Variants in GDPD1 observed in about 807,000 individuals in gnomAD.
GDPD1 encodes lysophospholipase D GDPD1.
GDPD1 carries 28 observed loss-of-function variants against 45.1 expected under a neutral mutation model. That is an observed-to-expected ratio of 0.62 (90% confidence interval 0.46 to 0.85). The LOEUF (loss-of-function observed/expected upper bound fraction) is 0.85. Ranked by LOEUF, GDPD1 falls within the 40% of genes least tolerant of loss-of-function variation. The pLI is 0.00. For synonymous variants in GDPD1, 139 were observed against 131.4 expected (o/e 1.06, Z -0.40); for missense variants, 256 against 364.8 (o/e 0.70, Z 2.43).
chr17:59,221,476 T>TAAATAAAC (rs2047004805), intron 1 of GDPD1, among the ~76,000 whole-genome samples: 1 of 118,472 alleles, frequency 8.4e-6, no homozygotes, highest in African/African-American at 3.2e-5. Flanking sequence ...AATAAATAAA[T>TAAATAAAC]AAACACGCAA....
chr17:59,260,702 T>TA (rs1279301170), intron 6 of GDPD1: 1 of 152,076 alleles, frequency 6.6e-6, no homozygotes, highest in African/African-American at 2.4e-5. Flanking sequence ...ATAGAAGAAA[T>TA]ATCATGATGT....
chr17:59,244,213 T>G (rs1412640519), intron 2 of GDPD1, among the ~76,000 whole-genome samples: 1 of 152,166 alleles, frequency 6.6e-6, no homozygotes, highest in African/African-American at 2.4e-5. Context: ...TTGCGTCCCT[T>G]CTCCCTTGAT....
chr17:59,261,139 T>G (rs2047352423), intron 6 of GDPD1, among the ~76,000 whole-genome samples: 1 of 152,178 alleles, frequency 6.6e-6, no homozygotes, highest in South Asian at 2.1e-4. Context: ...CTAATTTTTG[T>G]ATCTTTAGTA....
intron 8 of GDPD1, among the ~76,000 whole-genome samples, chr17:59,271,396 T>C (rs1393274028): frequency 1.3e-5 from 2 of 152,190 alleles, no homozygotes; most frequent in African/African-American, 4.8e-5. Flanking sequence ...AAATTTGCTC[T>C]GCACCAAGAC....
At position 59,248,665 on chromosome 17, in the gene GDPD1, G is replaced by C. The variant is rs1426291703; in HGVS notation, c.322-75G>C. On this transcript the variant is annotated intron_variant, in intron 3 of 9. Transcript: ENST00000284116. ...CTGTATGTTAAAGAAGCATATCTTT[G>C]TGTCTTAATGTAACACATAAAAATC... 2.9e-6 allele frequency: 3 copies of C among 1,023,878 alleles called. No homozygotes were observed. In the Admixed American group the frequency reaches 6.1e-5, roughly 21 times the overall value. 63.4% of individuals were successfully genotyped at this position (1,023,878 alleles called of 1,614,324 possible).
At chr17:59,254,529 C>T (rs1174351068) in intron 4 of GDPD1, among the ~76,000 whole-genome samples, 1 of 151,808 alleles carries the variant, frequency 6.6e-6, no homozygotes, top group Non-Finnish European at 1.5e-5. Context: ...GACCCTGTCT[C>T]AAAATATATA....
At chr17:59,235,041 A>G (rs780631327) in intron 2 of GDPD1, among the ~76,000 whole-genome samples, 10 of 151,788 alleles carry the variant, frequency 6.6e-5, no homozygotes, top group Non-Finnish European at 1.0e-4. Flanking sequence ...AGTGTCTTTT[A>G]GAGCACCTCA....
chr17:59,257,303 G>C (rs1367273979), intron 5 of GDPD1, 63 bp downstream of exon 5: 9 of 839,216 alleles, frequency 1.1e-5, no homozygotes, highest in African/African-American at 1.7e-5. Flanking sequence ...AATAAGGTTA[G>C]AGTCAGTGAC....
intron 2 of GDPD1, among the ~76,000 whole-genome samples, chr17:59,240,828 A>G (rs965791339): frequency 3.3e-5 from 5 of 152,154 alleles, no homozygotes; most frequent in Non-Finnish European, 5.9e-5. Flanking sequence ...GGTCTACAGT[A>G]CTGTATAGTA....
intron 1 of GDPD1, among the ~76,000 whole-genome samples, chr17:59,224,623 TCAAAAAAAAAAAAAAACAAAAAACAAAAA>T (rs1490347721): frequency 1.2e-5 from 1 of 85,468 alleles, no homozygotes; most frequent in African/African-American, 6.5e-5. Context: ...AGACTCCATC[TCAAAAAAAAAAAAAAACAAAAAACAAAAA>T]CAAAAAAAAC....
At chr17:59,234,459 C>G (rs755953487) in intron 1 of GDPD1, 33 bp from the exon 2 acceptor site, 1 of 1,358,924 alleles carries the variant, frequency 7.4e-7, no homozygotes. Flanking sequence ...TTAAAATGTT[C>G]AAAATAAGTA....
chr17:59,225,586 C>A (rs943933127), intron 1 of GDPD1, among the ~76,000 whole-genome samples: 1 of 152,030 alleles, frequency 6.6e-6, no homozygotes, highest in South Asian at 2.1e-4. Flanking sequence ...CCGCGGCCTC[C>A]CAAAGTGCTG....
intron 4 of GDPD1, among the ~76,000 whole-genome samples, chr17:59,252,590 C>T (rs889047807): frequency 2.6e-5 from 4 of 151,584 alleles, no homozygotes; most frequent in East Asian, 2.0e-4. Flanking sequence ...CCCAGCTACT[C>T]GGGAGGCTGA....
chr17:59,233,410 G>A (rs2047106647), intron 1 of GDPD1, among the ~76,000 whole-genome samples: 1 of 151,226 alleles, frequency 6.6e-6, no homozygotes. Context: ...TACTCGGGAG[G>A]CTGAGACAGG....
intron 1 of GDPD1, among the ~76,000 whole-genome samples, chr17:59,232,270 G>A (rs1012576362): frequency 1.3e-5 from 2 of 152,078 alleles, no homozygotes; most frequent in Non-Finnish European, 2.9e-5. Context: ...GGCCAATATG[G>A]TGAAACCCCA....
At chr17:59,251,659 T>A (rs1445743781) in intron 4 of GDPD1, among the ~76,000 whole-genome samples, 1 of 152,148 alleles carries the variant, frequency 6.6e-6, no homozygotes, top group Non-Finnish European at 1.5e-5. Flanking sequence ...TTAGGACTGA[T>A]CCTCAAATGT....
rs942416287 is a variant in GDPD1 at position 59,230,370 on chromosome 17, ATT to A, written c.143-4093_143-4092del. ...GAATATTGAACAGGCCAGTTGTAGA[ATT>A]TTTTTTTTTTTTTTTTTTTTTTTTT... On this transcript the variant is annotated intron_variant, in intron 1 of 9. Coordinates refer to ENST00000284116, the MANE Select transcript of GDPD1 (RefSeq NM_182569.4). 4.2e-3 allele frequency among the ~76,000 whole-genome samples: 340 copies of A among 80,040 alleles called. 6 individuals are homozygous for A. The highest frequency in any genetic ancestry group is 0.021 in the African/African-American group (312 of 14,794). 52.5% of individuals were successfully genotyped at this position (80,040 alleles called of 152,430 possible).
chr17:59,262,936 G>C lies in GDPD1; in HGVS notation c.577-4105G>C, dbSNP rs555945666. On this transcript the variant is annotated intron_variant, in intron 6 of 9. Coordinates refer to ENST00000284116, the MANE Select transcript of GDPD1 (RefSeq NM_182569.4). ...AGCCACCGTGCCCGGCCACAGCTTTGTATCTTGATTGCGGTAGTGGTTACA... is the reference window on the plus strand; with the variant it reads ...AGCCACCGTGCCCGGCCACAGCTTTCTATCTTGATTGCGGTAGTGGTTACA... 5.9e-5 allele frequency among the ~76,000 whole-genome samples: 9 copies of C among 152,044 alleles called. No individual in the cohort carries two copies. In the East Asian group the frequency reaches 1.5e-3, roughly 26 times the overall value.
At chr17:59,241,924 G>A (rs531673023) in intron 2 of GDPD1, among the ~76,000 whole-genome samples, 7 of 151,920 alleles carry the variant, frequency 4.6e-5, no homozygotes, top group Admixed American at 3.3e-4. Context: ...GCAAAACTCC[G>A]TCTGAAAAAA....
Sources: allele counts gnomAD v4.1 joint callset (sites outside exome capture counted in the v4.1 genomes callset), GRCh38; gene constraint gnomAD v4.1.1; transcripts MANE v1.5; gene names NCBI Gene and HGNC (gene_info 2026-07-23, HGNC 2026-07-21).